The following DNAJC24 variants were observed in gnomAD, a reference collection of about 807,000 sequenced individuals.
DNAJC24 encodes DnaJ heat shock protein family (Hsp40) member C24.
Under a neutral mutation model 18.0 loss-of-function variants are expected in DNAJC24, and 17 were observed. The observed-to-expected ratio is 0.94, with a 90% CI of 0.65 to 1.42. The LOEUF (loss-of-function observed/expected upper bound fraction) is 1.42, where lower values mean the gene tolerates loss of function less well. Ranked by LOEUF, DNAJC24 falls within the 40% of genes most tolerant of loss-of-function variation. The pLI, the probability that DNAJC24 is intolerant of heterozygous loss-of-function variation, is 0.00. For missense variants in DNAJC24, 158 were observed against 175.6 expected (o/e 0.90, Z 0.57); for synonymous variants, 55 against 57.7 (o/e 0.95, Z 0.21).
Position 31,430,275 on chromosome 11 carries a change from T to C in DNAJC24, c.324T>C (p.Asp108=). 6.2e-7 allele frequency: 1 copy of C among 1,604,300 alleles called. No homozygotes were observed. Among genetic ancestry groups the C allele is most frequent in the Non-Finnish European group, 8.5e-7 (1 of 1,173,864 alleles). ...TTATTTTGTTTTCTTTTGCAGGTGATCACTCTTTTTATCTGAGTTGCAGAT... is the reference window on the plus strand; with the variant it reads ...TTATTTTGTTTTCTTTTGCAGGTGACCACTCTTTTTATCTGAGTTGCAGAT... ...YLEEMSWNEG[D]HSFYLSCRCG... Residue 108 remains aspartate, a synonymous_variant, in exon 5 of 5, where the codon GAT becomes GAC. Transcript: ENST00000465995.
chr11:31,402,427 A>G (rs910359137), intron 2 of DNAJC24, among the ~76,000 whole-genome samples: 3 of 152,188 alleles, frequency 2.0e-5, no homozygotes, highest in Non-Finnish European at 4.4e-5. Context: ...AACATTGTAC[A>G]CTTAGGCTAC....
At chr11:31,383,622 G>A (rs1384256734) in intron 2 of DNAJC24, among the ~76,000 whole-genome samples, 1 of 152,194 alleles carries the variant, frequency 6.6e-6, no homozygotes, top group Non-Finnish European at 1.5e-5. Flanking sequence ...TTGCATGTTG[G>A]GAAGTTAGTG....
chr11:31,379,357 T>C (rs1454483763), intron 2 of DNAJC24, among the ~76,000 whole-genome samples: 3 of 152,166 alleles, frequency 2.0e-5, no homozygotes, highest in African/African-American at 7.2e-5. Context: ...AATTAATGCC[T>C]GATGAACTGA....
At chr11:31,405,129 G>A (rs1435583167) in intron 2 of DNAJC24, among the ~76,000 whole-genome samples, 3 of 147,740 alleles carry the variant, frequency 2.0e-5, no homozygotes, top group African/African-American at 2.5e-5. Context: ...CAGTGCAGTG[G>A]TGTGACCTCA....
intron 2 of DNAJC24, among the ~76,000 whole-genome samples, chr11:31,413,486 A>G (rs529911930): frequency 8.6e-5 from 13 of 151,782 alleles, no homozygotes; most frequent in Non-Finnish European, 1.5e-4. Context: ...GCCCACCACC[A>G]CACCTGGCCA....
chr11:31,376,462 T>C (rs1952316088), intron 2 of DNAJC24, among the ~76,000 whole-genome samples: 1 of 152,220 alleles, frequency 6.6e-6, no homozygotes, highest in African/African-American at 2.4e-5. Context: ...CTAGGAAGTA[T>C]AGAGTAGTAA....
At chr11:31,396,267 C>T (rs1455635673) in intron 2 of DNAJC24, 1 of 454,500 alleles carries the variant, frequency 2.2e-6, no homozygotes, top group Admixed American at 2.4e-5. Flanking sequence ...GACCACTGCT[C>T]TATTTTCTTT....
At chr11:31,419,046 G>A (rs546046958) in intron 3 of DNAJC24, among the ~76,000 whole-genome samples, 15 of 152,098 alleles carry the variant, frequency 9.9e-5, no homozygotes, top group African/African-American at 2.9e-4. Context: ...CCATAAGAGG[G>A]AAATATGTAG....
chr11:31,391,831 G>C (rs1952499257), intron 2 of DNAJC24, among the ~76,000 whole-genome samples: 1 of 152,172 alleles, frequency 6.6e-6, no homozygotes, highest in African/African-American at 2.4e-5. Flanking sequence ...ATTCACAATA[G>C]CCAAGATTTG....
chr11:31,424,039 T>C (rs1026251277), intron 3 of DNAJC24, among the ~76,000 whole-genome samples: 2 of 152,306 alleles, frequency 1.3e-5, no homozygotes, highest in African/African-American at 2.4e-5. Flanking sequence ...ATAGTAACTA[T>C]GTGAGAAGAA....
At chr11:31,389,515 A>G (rs1952466872) in intron 2 of DNAJC24, among the ~76,000 whole-genome samples, 1 of 152,210 alleles carries the variant, frequency 6.6e-6, no homozygotes, top group Non-Finnish European at 1.5e-5. Context: ...TATAAAGCAA[A>G]CATTATTAGA....
At chr11:31,380,193 C>T (rs1258518213) in intron 2 of DNAJC24, among the ~76,000 whole-genome samples, 4 of 152,026 alleles carry the variant, frequency 2.6e-5, no homozygotes, top group Non-Finnish European at 5.9e-5. Context: ...AGAATTATAG[C>T]GTTTCAGAAA....
chr11:31,403,423 A>G lies in DNAJC24; in HGVS notation c.112-11388A>G, dbSNP rs546829022. Among the ~76,000 whole-genome samples the G allele has an allele frequency of 3.9e-4, 60 of 152,332 alleles. No individual in the cohort carries two copies. The South Asian group carries it at 0.012, about 29-fold the overall frequency. On this transcript the variant is annotated intron_variant, in intron 2 of 4. Transcript: ENST00000465995. ...GGTTACGTTACATGCAAAGACATACATCAACACATGAAGTATATACATTGA... is the reference window on the plus strand; with the variant it reads ...GGTTACGTTACATGCAAAGACATACGTCAACACATGAAGTATATACATTGA...
chr11:31,415,878 T>C (rs1301968149), intron 3 of DNAJC24: 1 of 152,176 alleles, frequency 6.6e-6, no homozygotes. Flanking sequence ...AGTACTAAGG[T>C]TATGAAAATT....
At chr11:31,376,212 G>A (rs900615250) in intron 2 of DNAJC24, among the ~76,000 whole-genome samples, 2 of 152,092 alleles carry the variant, frequency 1.3e-5, no homozygotes, top group African/African-American at 4.8e-5. Context: ...CCATGATTGC[G>A]AGGCCTCCCC....
chr11:31,412,222 T>G (rs1952716624), intron 2 of DNAJC24, among the ~76,000 whole-genome samples: 1 of 152,148 alleles, frequency 6.6e-6, no homozygotes, highest in Non-Finnish European at 1.5e-5. Flanking sequence ...TGGGTCAGAT[T>G]GGTGCATGAT....
rs1952904129 is a variant in DNAJC24, at chr11:31,430,010, T to C, written c.320-261T>C. On this transcript the variant is annotated intron_variant, in intron 4 of 4. Transcript: ENST00000465995. Reference sequence around the variant, plus strand: ...AAGTTTCATGGGTTACTTCTGAGCATGCCCTCTCCTCCCAAAATCCTTGGA... The same window carrying C: ...AAGTTTCATGGGTTACTTCTGAGCACGCCCTCTCCTCCCAAAATCCTTGGA... 14 of 274,242 alleles carry C rather than the reference T, an allele frequency of 5.1e-5. No individual in the cohort carries two copies. The East Asian group carries it at 9.1e-4, about 18-fold the overall frequency. 17.0% of individuals were successfully genotyped at this position (274,242 alleles called of 1,614,324 possible). A position where few individuals can be genotyped will look rare whatever the true frequency, so the allele number is the denominator to read the frequency against.
At chr11:31,414,351 A>T (rs1276977711) in intron 2 of DNAJC24, among the ~76,000 whole-genome samples, 3 of 152,212 alleles carry the variant, frequency 2.0e-5, no homozygotes, top group Non-Finnish European at 4.4e-5. Context: ...TTTTATTTAA[A>T]ATTACGATTG....
Position 31,426,606 on chromosome 11 carries a change from A to C in DNAJC24, c.319+251A>C, listed in dbSNP as rs956509560. The C allele has an allele frequency of 3.9e-5, 13 of 333,958 alleles. No homozygotes were observed. The Middle Eastern group carries it at 2.4e-3, about 62-fold the overall frequency. The allele number at this position is 333,958 out of a possible 1,614,324, so 20.7% of individuals were successfully genotyped here. A position where few individuals can be genotyped will look rare whatever the true frequency, so the allele number is the denominator to read the frequency against. ...TTAGATGTTAGGAACATAAAGTTTCATAAGAGTTTTTTTGTTGTGTTTTTT... is the reference window on the plus strand; with the variant it reads ...TTAGATGTTAGGAACATAAAGTTTCCTAAGAGTTTTTTTGTTGTGTTTTTT... On this transcript the variant is annotated intron_variant, in intron 4 of 4. Transcript: ENST00000465995.
Sources: allele counts gnomAD v4.1 joint callset (sites outside exome capture counted in the v4.1 genomes callset), GRCh38; gene constraint gnomAD v4.1.1; transcripts MANE v1.5; gene names NCBI Gene and HGNC (gene_info 2026-07-23, HGNC 2026-07-21).